Variants in ATP2C2 observed in about 807,000 individuals in gnomAD.
ATP2C2 encodes the protein ATPase secretory pathway Ca2+ transporting 2.
Under a neutral mutation model 110.8 loss-of-function variants are expected in ATP2C2, and 171 were observed. That is an observed-to-expected ratio of 1.54 (90% CI 1.36 to 1.75). The LOEUF is 1.75. Among genes scored for constraint, ATP2C2 ranks in the 40% most tolerant of loss-of-function variants. The pLI, the probability that ATP2C2 is intolerant of heterozygous loss-of-function variation, is 0.00. For missense variants in ATP2C2, 1,963 were observed against 1,235.0 expected (o/e 1.59, Z -8.84); for synonymous variants, 804 against 508.4 (o/e 1.58, Z -7.82).
intron 23 of ATP2C2, chr16:84,460,387 T>G (rs1326637003): frequency 1.9e-6 from 1 of 532,500 alleles, no homozygotes; most frequent in South Asian, 2.1e-5. Flanking sequence ...CATCTGGGTG[T>G]ATGGAACTGT....
intron 1 of ATP2C2, among the ~76,000 whole-genome samples, chr16:84,378,422 A>C (rs13336802): frequency 6.6e-6 from 1 of 151,922 alleles, no homozygotes; most frequent in African/African-American, 2.4e-5. Context: ...GGAGGGCAGC[A>C]TTGGATTCCC....
rs1303931444 is a variant in ATP2C2, at chr16:84,461,707, C to A, written c.2482-7C>A. ...CCTAACCTCTCACCTTTGTGCTCACCTTCCAGATGCCTGAAGACAGAGCAA... is the reference window on the plus strand; with the variant it reads ...CCTAACCTCTCACCTTTGTGCTCACATTCCAGATGCCTGAAGACAGAGCAA... On this transcript the variant is annotated splice_polypyrimidine_tract_variant and splice_region_variant and intron_variant, in intron 24 of 26. Transcript: ENST00000262429. 2 of 1,613,328 alleles carry A rather than the reference C, an allele frequency of 1.2e-6. No individual in the cohort carries two copies. Among genetic ancestry groups the A allele is most frequent in the African/African-American group, 2.7e-5 (2 of 75,020 alleles).
Position 84,448,547 on chromosome 16 carries a change from T to A in ATP2C2, c.1518T>A (p.Ile506=). The change falls in exon 17 of 27, where the codon ATT becomes ATA. Residue 506 remains isoleucine (I), a synonymous_variant. Transcript: ENST00000262429. ...TCTTTTCTAAGGATCAGGAAGACAT[T>A]TACTTCATGAAAGGGGCCTTGGAAG... ...CSLKTEDQED[I]YFMKGALEEV... 6.2e-7 allele frequency: 1 copy of A among 1,612,292 alleles called. No individual in the cohort carries two copies. Among genetic ancestry groups the A allele is most frequent in the Non-Finnish European group, 8.5e-7 (1 of 1,178,884 alleles).
intron 6 of ATP2C2, among the ~76,000 whole-genome samples, chr16:84,414,139 C>T (rs1041005031): frequency 6.6e-6 from 1 of 152,154 alleles, no homozygotes. Context: ...AAGCTGAGGC[C>T]TGAGGAAGAG....
intron 1 of ATP2C2, among the ~76,000 whole-genome samples, chr16:84,382,698 A>G (rs1657141470): frequency 6.6e-6 from 1 of 152,232 alleles, no homozygotes; most frequent in South Asian, 2.1e-4. Context: ...GTTTGAGACC[A>G]GCCTGGCCAA....
chr16:84,440,247 C>T (rs1026975748), intron 13 of ATP2C2, among the ~76,000 whole-genome samples: 6 of 152,220 alleles, frequency 3.9e-5, no homozygotes, highest in African/African-American at 7.2e-5. Context: ...ATCCTCCCAC[C>T]TCAGCCTCCC....
At chr16:84,399,678 T>C (rs1195464219) in intron 2 of ATP2C2, among the ~76,000 whole-genome samples, 1 of 152,172 alleles carries the variant, frequency 6.6e-6, no homozygotes, top group African/African-American at 2.4e-5. Flanking sequence ...GTTCCAGAGA[T>C]ACTTTGATAC....
At chr16:84,437,157 A>G (rs1321294553) in intron 11 of ATP2C2, among the ~76,000 whole-genome samples, 1 of 152,124 alleles carries the variant, frequency 6.6e-6, no homozygotes, top group East Asian at 1.9e-4. Flanking sequence ...GTATTCAGAG[A>G]TATACACAGC....
In ATP2C2 at chr16:84,408,568, A is replaced by T; in HGVS notation, c.417+74A>T. On this transcript the variant is annotated intron_variant, in intron 4 of 26. Transcript: ENST00000262429. ...GCTGAGTCTCTGCTTGTTATTGTAT[A>T]TAAAGAAAAAAAAGAGTTTGCTGTA... 4.9e-6 allele frequency: 6 copies of T among 1,228,790 alleles called. No individual in the cohort carries two copies. In the South Asian group the frequency reaches 7.7e-5, roughly 16 times the overall value. 76.1% of individuals were successfully genotyped at this position (1,228,790 alleles called of 1,614,324 possible).
At position 84,461,830 on chromosome 16, in the gene ATP2C2, C is replaced by G. The variant is rs377332408; in HGVS notation, c.2580+18C>G. 4.7e-5 allele frequency: 75 copies of G among 1,611,666 alleles called. No homozygotes were observed. The African/African-American group carries it at 9.1e-4, about 19-fold the overall frequency. On this transcript the variant is annotated intron_variant, in intron 25 of 26. Coordinates refer to ENST00000262429, the MANE Select transcript of ATP2C2 (RefSeq NM_014861.4). ...GCTCTCAGGTGAGACCCGGGCTGAC[C>G]CTCCTCGCTGCAGAGCTGCTGTGTG...
intron 1 of ATP2C2, among the ~76,000 whole-genome samples, chr16:84,388,932 C>T (rs571454209): frequency 4.0e-3 from 613 of 152,048 alleles, no homozygotes; most frequent in Middle Eastern, 6.8e-3. Context: ...CCACCATGCT[C>T]GGCTAATTTT....
At position 84,399,680 on chromosome 16, in the gene ATP2C2, C is replaced by T. The variant is rs114596224; in HGVS notation, c.210+1071C>T. 2.5e-3 allele frequency among the ~76,000 whole-genome samples: 385 copies of T among 152,216 alleles called. 3 individuals carry two copies. Among genetic ancestry groups the T allele is most frequent in the African/African-American group, 9.1e-3 (377 of 41,528 alleles). ...TGCATATTTATGGGTTCCAGAGATA[C>T]TTTGATACAGGCATACGCTATAATA... On this transcript the variant is annotated intron_variant, in intron 2 of 26. Transcript: ENST00000262429.
In ATP2C2 at chr16:84,422,849, G is replaced by C. The variant is rs181716436; in HGVS notation, c.843+152G>C. 3.6e-4 allele frequency: 326 copies of C among 907,292 alleles called. No homozygotes were observed. The African/African-American group carries it at 5.1e-3, about 14-fold the overall frequency. 56.2% of individuals were successfully genotyped at this position (907,292 alleles called of 1,614,324 possible). A position where few individuals can be genotyped will look rare whatever the true frequency, so the allele number is the denominator to read the frequency against. On this transcript the variant is annotated intron_variant, in intron 9 of 26. Coordinates refer to ENST00000262429, the MANE Select transcript of ATP2C2 (RefSeq NM_014861.4). ...AAACATTTAATTTTTTTTTTTAATA[G>C]AGACAGGGTTTCGCCATGTTGCCCA...
intron 6 of ATP2C2, 26 bp downstream of exon 6, chr16:84,410,791 T>C (rs761445205): frequency 5.0e-6 from 8 of 1,607,274 alleles, no homozygotes; most frequent in Non-Finnish European, 6.0e-6. Flanking sequence ...CCTGGGACTT[T>C]TTGGTTCACT....
chr16:84,446,987 C>A (rs549037462), intron 16 of ATP2C2, among the ~76,000 whole-genome samples: 6 of 152,266 alleles, frequency 3.9e-5, no homozygotes, highest in African/African-American at 1.2e-4. Context: ...ACGTGTTGTC[C>A]CTGGCTAGAG....
At position 84,404,900 on chromosome 16, in the gene ATP2C2, A is replaced by G. The variant is rs971111335; in HGVS notation, c.211-228A>G. Reference sequence around the variant, plus strand: ...TTTCCATTTGTTGAAATTTAAGACCAGAGTCGTCTTTTCTGCTGTAATTAT... The same window carrying G: ...TTTCCATTTGTTGAAATTTAAGACCGGAGTCGTCTTTTCTGCTGTAATTAT... On this transcript the variant is annotated intron_variant, in intron 2 of 26. Coordinates refer to ENST00000262429, the MANE Select transcript of ATP2C2 (RefSeq NM_014861.4). 2.2e-5 allele frequency: 14 copies of G among 638,680 alleles called. 1 individual carries two copies. Among genetic ancestry groups the G allele is most frequent in the Admixed American group, 4.2e-5 (2 of 47,754 alleles). The allele number at this position is 638,680 out of a possible 1,614,324, so 39.6% of individuals were successfully genotyped here.
chr16:84,410,482 T>C (rs1402632548), intron 4 of ATP2C2, 86 bp from the exon 5 acceptor site: 4 of 1,441,330 alleles, frequency 2.8e-6, no homozygotes, highest in East Asian at 2.3e-5. Context: ...AAATCAATCA[T>C]TAAAGACAAG....
intron 11 of ATP2C2, among the ~76,000 whole-genome samples, chr16:84,427,758 A>G (rs1314547463): frequency 3.9e-5 from 6 of 152,074 alleles, no homozygotes; most frequent in Non-Finnish European, 5.9e-5. Context: ...TCATAGAAAC[A>G]GAAAGTAGGT....
intron 1 of ATP2C2, among the ~76,000 whole-genome samples, chr16:84,375,489 C>T (rs1431842796): frequency 6.8e-6 from 1 of 147,484 alleles, no homozygotes; most frequent in Non-Finnish European, 1.5e-5. Context: ...TGCAGTGAGC[C>T]AAGATCATGT....
Sources: allele counts gnomAD v4.1 joint callset (sites outside exome capture counted in the v4.1 genomes callset), GRCh38; gene constraint gnomAD v4.1.1; transcripts MANE v1.5; gene names NCBI Gene and HGNC (gene_info 2026-07-23, HGNC 2026-07-21).